Variants in AKAP6 observed in about 807,000 individuals in gnomAD.
AKAP6 encodes the protein A-kinase anchoring protein 6.
A neutral mutation model predicts 188.5 loss-of-function variants in AKAP6; 58 were observed. That is an observed-to-expected ratio of 0.31 (90% confidence interval 0.25 to 0.38). The LOEUF is 0.38. Among genes scored for constraint, AKAP6 ranks in the 10% least tolerant of loss-of-function variants. The pLI is 1.00. For synonymous variants in AKAP6, 989 were observed against 998.6 expected, an observed-to-expected ratio of 0.99 and a Z score of 0.18; for missense variants, 2,710 against 2,740.0, an observed-to-expected ratio of 0.99 and a Z score of 0.24.
At chr14:32,760,011 C>A (rs2032483457) in intron 11 of AKAP6, among the ~76,000 whole-genome samples, 1 of 152,204 alleles carries the variant, frequency 6.6e-6, no homozygotes, top group Non-Finnish European at 1.5e-5. Context: ...CATTTTCAAT[C>A]TTGTTTGCTT....
At chr14:32,558,960 T>G (rs956675795) in intron 4 of AKAP6, among the ~76,000 whole-genome samples, 2 of 152,228 alleles carry the variant, frequency 1.3e-5, no homozygotes, top group Non-Finnish European at 2.9e-5. Flanking sequence ...CTATGAATAT[T>G]GGGAGGAAGG....
chr14:32,641,489 GAAAA>G (rs1758262708), intron 7 of AKAP6, among the ~76,000 whole-genome samples: 1 of 125,068 alleles, frequency 8.0e-6, no homozygotes, highest in Non-Finnish European at 1.7e-5. Context: ...AAAAAAAAAA[GAAAA>G]GAAAAGAAAA....
chr14:32,383,798 T>C (rs1888444424), intron 1 of AKAP6, among the ~76,000 whole-genome samples: 1 of 152,124 alleles, frequency 6.6e-6, no homozygotes, highest in East Asian at 1.9e-4. Context: ...AAGCCAACTT[T>C]TGCTTAACTC....
chr14:32,570,198 T>C (rs1884414504), intron 4 of AKAP6, among the ~76,000 whole-genome samples: 1 of 140,874 alleles, frequency 7.1e-6, no homozygotes, highest in South Asian at 2.5e-4. Context: ...TGGAGCAATC[T>C]CGGCTCACTG....
intron 7 of AKAP6, among the ~76,000 whole-genome samples, chr14:32,624,672 A>G (rs4981994): frequency 0.25 from 37,972 of 152,062 alleles, 5,030 homozygotes; most frequent in Admixed American, 0.33. Flanking sequence ...CTGTTTCACA[A>G]TACTTTGGTA....
At chr14:32,735,606 G>GT (rs139360332) in intron 10 of AKAP6, 52 bp from the exon 11 acceptor site, 2,434 of 1,312,240 alleles carry the variant, frequency 1.9e-3, no homozygotes, top group Middle Eastern at 2.2e-3. Context: ...TGTTCGTGGG[G>GT]TTTTTTTTTG....
In AKAP6 at chr14:32,834,701, A is replaced by G. The variant is rs2034857020; in HGVS notation, c.*4896A>G. The G allele has an allele frequency of 1.3e-5, 2 of 152,086 alleles. No homozygotes were observed. Among genetic ancestry groups the G allele is most frequent in the African/African-American group, 4.8e-5 (2 of 41,418 alleles). 9.4% of individuals were successfully genotyped at this position (152,086 alleles called of 1,614,324 possible). ...GTTTTCTCATTGTTAAACTCAGGGTAAACTTTTTTTTGTCAAGTAAATACA... is the reference window on the plus strand; with the variant it reads ...GTTTTCTCATTGTTAAACTCAGGGTGAACTTTTTTTTGTCAAGTAAATACA... On this transcript the variant is annotated 3_prime_UTR_variant, in exon 14 of 14. Coordinates refer to ENST00000280979, the MANE Select transcript of AKAP6 (RefSeq NM_004274.5).
rs571849611 is a variant in AKAP6 at position 32,329,325 on chromosome 14, A to G, written c.-118A>G. ...CTGAACTGATGTCACAGCATCATGC[A>G]GCAGGTCAAACAAGGCATCTCCTAG... is the stretch of plus-strand genomic sequence containing the variant. On this transcript the variant is annotated 5_prime_UTR_variant, in exon 1 of 14. Coordinates refer to ENST00000280979, the MANE Select transcript of AKAP6 (RefSeq NM_004274.5). The G allele has an allele frequency of 7.9e-5, 12 of 152,160 alleles. No homozygotes were observed. Among genetic ancestry groups the G allele is most frequent in the Non-Finnish European group, 1.5e-4 (10 of 67,994 alleles). 9.4% of individuals were successfully genotyped at this position (152,160 alleles called of 1,614,324 possible).
intron 7 of AKAP6, among the ~76,000 whole-genome samples, chr14:32,611,845 A>G (rs1215154287): frequency 6.6e-6 from 1 of 152,182 alleles, no homozygotes; most frequent in Non-Finnish European, 1.5e-5. Context: ...GACAAGAAAG[A>G]TGGATAGTTA....
chr14:32,471,203 G>T (rs73263304), intron 2 of AKAP6, among the ~76,000 whole-genome samples: 208 of 152,106 alleles, frequency 1.4e-3, no homozygotes, highest in African/African-American at 4.8e-3. Flanking sequence ...CTTTAAAAAC[G>T]TTTCAATAAT....
intron 2 of AKAP6, among the ~76,000 whole-genome samples, chr14:32,494,022 A>G (rs1880177886): frequency 6.6e-6 from 1 of 152,206 alleles, no homozygotes; most frequent in African/African-American, 2.4e-5. Context: ...AGTGGTAGCC[A>G]AGGAAAGAGA....
intron 2 of AKAP6, among the ~76,000 whole-genome samples, chr14:32,438,280 G>A (rs1890454697): frequency 6.6e-6 from 1 of 152,200 alleles, no homozygotes; most frequent in East Asian, 1.9e-4. Flanking sequence ...TTCTTCTTCT[G>A]TAAATGGTTG....
At chr14:32,814,393 G>C (rs563540182) in intron 12 of AKAP6, among the ~76,000 whole-genome samples, 6 of 152,144 alleles carry the variant, frequency 3.9e-5, no homozygotes, top group Non-Finnish European at 8.8e-5. Context: ...CTGTAAAGCA[G>C]TTGCATCCCA....
chr14:32,771,152 C>T (rs1385763377), intron 11 of AKAP6, among the ~76,000 whole-genome samples: 1 of 151,854 alleles, frequency 6.6e-6, no homozygotes, highest in Admixed American at 6.6e-5. Context: ...GTCATGGAAG[C>T]CCATTTATGT....
Position 32,696,078 on chromosome 14 carries a change from A to T in AKAP6, c.2968A>T (p.Met990Leu), listed in dbSNP as rs1421930067. The change falls in exon 9 of 14, where the codon ATG becomes TTG. Residue 990 changes from methionine to leucine, a missense_variant. Coordinates refer to ENST00000280979, the MANE Select transcript of AKAP6 (RefSeq NM_004274.5). ...TGTGATGGACAGCCACGACCTGATG[A>T]TGTCAGAGGAGCAGCAGCAGCATCT... ...SLVMDSHDLM[M>L]SEEQQQHLYK... 1 of 1,611,614 alleles carries T rather than the reference A, an allele frequency of 6.2e-7. No individual in the cohort carries two copies. Among genetic ancestry groups the T allele is most frequent in the African/African-American group, 1.3e-5 (1 of 74,834 alleles).
intron 7 of AKAP6, among the ~76,000 whole-genome samples, chr14:32,602,173 T>C (rs879358042): frequency 1.3e-5 from 2 of 152,136 alleles, no homozygotes; most frequent in African/African-American, 4.8e-5. Flanking sequence ...AGGGAGAAGT[T>C]CACTGGGCTA....
At chr14:32,450,323 T>A (rs1335299671) in intron 2 of AKAP6, among the ~76,000 whole-genome samples, 1 of 151,094 alleles carries the variant, frequency 6.6e-6, no homozygotes, top group Non-Finnish European at 1.5e-5. Context: ...TGTGTGTGTG[T>A]GAGAGAGAGA....
chr14:32,668,719 G>GT (rs984121680), intron 7 of AKAP6, among the ~76,000 whole-genome samples: 2 of 151,948 alleles, frequency 1.3e-5, no homozygotes, highest in African/African-American at 2.4e-5. Context: ...CTAAGGCTAG[G>GT]TTTTTTTGGA....
chr14:32,330,005 G>A (rs1181029308), intron 1 of AKAP6, among the ~76,000 whole-genome samples: 2 of 152,052 alleles, frequency 1.3e-5, no homozygotes, highest in East Asian at 3.9e-4. Flanking sequence ...TGATCTATAT[G>A]GTAGTTCTTC....
Sources: gnomAD v4.1 joint callset for allele counts (sites outside exome capture counted in the v4.1 genomes callset) on GRCh38, gnomAD v4.1.1 for gene constraint, MANE v1.5 for transcripts, NCBI Gene and HGNC (gene_info 2026-07-23, HGNC 2026-07-21) for gene names.